DNAH7: variants seen among roughly 807,000 people sequenced by gnomAD.
DNAH7 encodes the protein axonemal beta dynein heavy chain 7.
In DNAH7, 397 loss-of-function variants were observed where a neutral mutation model predicts 444.6. That is an observed-to-expected ratio of 0.89 (90% confidence interval 0.82 to 0.97). The LOEUF is 0.97. DNAH7 is among the 50% of genes least tolerant of loss of function. DNAH7 has a pLI of 0.00. For synonymous variants in DNAH7, 1,636 were observed against 1,624.4 expected, an observed-to-expected ratio of 1.01 and a Z score of -0.17; for missense variants, 4,902 against 4,800.8, an observed-to-expected ratio of 1.02 and a Z score of -0.62.
intron 57 of DNAH7, among the ~76,000 whole-genome samples, chr2:195,790,603 T>C (rs1045662012): frequency 7.2e-5 from 11 of 152,108 alleles, no homozygotes; most frequent in Non-Finnish European, 1.6e-4. Context: ...AGACTCCCTA[T>C]TCAATAAATG....
chr2:196,024,411 A>C lies in DNAH7; in HGVS notation c.743+18T>G. 6.5e-7 allele frequency: 1 copy of C among 1,535,946 alleles called. No individual in the cohort carries two copies. The stretch of plus-strand genomic sequence containing the variant: ...ATGGTCACATAATCAACATTCTTAG[A>C]GAAATCTGATCACTTACTCAGCACG... On this transcript the variant is annotated intron_variant, in intron 8 of 64. Coordinates refer to ENST00000312428, the MANE Select transcript of DNAH7 (RefSeq NM_018897.3).
chr2:196,007,956 T>C (rs55812752), intron 10 of DNAH7, among the ~76,000 whole-genome samples: 24,678 of 152,080 alleles, frequency 0.16, 3,194 homozygotes, highest in African/African-American at 0.36. Context: ...TTAAAAATAT[T>C]TGTGCTTCAA....
In DNAH7 at chr2:195,806,760, G is replaced by A. The variant is rs755753242; in HGVS notation, c.10156C>T (p.Arg3386Cys). ...TTTACCTTGTCTGGCCTCAAGCAAC[G>A]AATAATAAGCATCCTTTGAAACTCA... The part of the protein sequence containing the change: ...ANEFQRMLII[R>C]CLRPDKVIPM... The change falls in exon 54 of 65, where the codon CGT becomes TGT. Residue 3386 changes from arginine to cysteine, a missense_variant. Physicochemically the swap from Arg to Cys is radical, Grantham distance 180 (BLOSUM62 -3). Transcript: ENST00000312428. 2.5e-6 allele frequency: 4 copies of A among 1,613,352 alleles called. No homozygotes were observed. The highest frequency in any genetic ancestry group is 1.7e-5 in the Admixed American group (1 of 59,964).
intron 25 of DNAH7, 130 bp downstream of exon 25, chr2:195,909,897 G>C (rs549988320): frequency 2.2e-6 from 2 of 909,838 alleles, no homozygotes; most frequent in East Asian, 2.7e-5. Context: ...GAATTATTGA[G>C]ATAGTGCTTC....
chr2:195,773,334 T>G (rs889453760), intron 60 of DNAH7, among the ~76,000 whole-genome samples: 1 of 152,066 alleles, frequency 6.6e-6, no homozygotes, highest in Non-Finnish European at 1.5e-5. Context: ...GAATCTATGC[T>G]GATTTCCAGT....
At chr2:195,846,241 C>G (rs773050333) in intron 46 of DNAH7, among the ~76,000 whole-genome samples, 1 of 152,086 alleles carries the variant, frequency 6.6e-6, no homozygotes, top group Non-Finnish European at 1.5e-5. Flanking sequence ...TACACGCAGC[C>G]ACAAGGATAT....
intron 12 of DNAH7, among the ~76,000 whole-genome samples, chr2:195,993,600 A>G (rs1243235993): frequency 2.0e-5 from 3 of 152,192 alleles, no homozygotes; most frequent in East Asian, 3.9e-4. Context: ...TGCAACAAGT[A>G]TATTTGAAAA....
At chr2:195,977,803 C>T (rs557742708) in intron 15 of DNAH7, among the ~76,000 whole-genome samples, 127 of 152,250 alleles carry the variant, frequency 8.3e-4, no homozygotes, top group African/African-American at 3.0e-3. Context: ...GCAGACTTTT[C>T]AGTGAGAACC....
intron 32 of DNAH7, 41 bp from the exon 33 acceptor site, chr2:195,888,475 T>A: frequency 6.5e-7 from 1 of 1,537,484 alleles, no homozygotes; most frequent in South Asian, 1.3e-5. Context: ...TAATAATGCT[T>A]ATAAAATAAA....
chr2:196,058,078 T>G lies in DNAH7; in HGVS notation c.54A>C (p.Val18=), dbSNP rs1697918900. 1 of 1,577,872 alleles carries G rather than the reference T, an allele frequency of 6.3e-7. No homozygotes were observed. The highest frequency in any genetic ancestry group is 1.2e-5 in the South Asian group (1 of 85,156). The change falls in exon 2 of 65, where the codon GTA becomes GTC. Residue 18 remains valine, a synonymous_variant. Transcript: ENST00000312428. ...CCATAGACAGCTGTGGTAGAAATCTTACTGGTTTCTTGGATTTTTCTTTGC... is the reference window on the plus strand; with the variant it reads ...CCATAGACAGCTGTGGTAGAAATCTGACTGGTTTCTTGGATTTTTCTTTGC... ...SASKEKSKKP[V]RFLPQLSMEK...
At chr2:195,936,487 G>A (rs1689059565) in intron 20 of DNAH7, 112 bp downstream of exon 20, 1 of 647,156 alleles carries the variant, frequency 1.5e-6, no homozygotes, top group African/African-American at 1.9e-5. Context: ...GAACATTCTT[G>A]TAGAAAAAAT....
chr2:196,040,619 C>A (rs1696679243), intron 5 of DNAH7, among the ~76,000 whole-genome samples: 1 of 152,112 alleles, frequency 6.6e-6, no homozygotes, highest in African/African-American at 2.4e-5. Flanking sequence ...TTTCATCATA[C>A]TAAATGGGGA....
At chr2:195,782,749 A>G (rs1417335383) in intron 58 of DNAH7, among the ~76,000 whole-genome samples, 2 of 151,846 alleles carry the variant, frequency 1.3e-5, no homozygotes, top group African/African-American at 2.4e-5. Flanking sequence ...TATTCTTGAT[A>G]CTCTTTATTT....
rs13411834 is a variant in DNAH7 at position 195,808,809 on chromosome 2, A to G, written c.9956T>C (p.Leu3319Pro). 0.99 allele frequency: 1,603,714 copies of G among 1,613,984 alleles called. 797,285 individuals are homozygous for G. The highest frequency in any genetic ancestry group is 1 in the East Asian group (44,844 of 44,844). ...GIGLDNPYANLCTWLPQKSWD... is the reference protein window; with the variant it reads ...GIGLDNPYANPCTWLPQKSWD... ...GGATTTCTGAGGAAGCCATGTACAA[A>G]GGTTGGCATAAGGATTATCCAGTCC... Residue 3319 changes from leucine to proline, a missense_variant, in exon 53 of 65, where the codon CTT becomes CCT. Physicochemically the swap from Leu to Pro is moderately conservative, Grantham distance 98. Transcript: ENST00000312428.
rs1574783267 is a variant in DNAH7 at position 195,923,827 on chromosome 2, G to A, written c.3613-20C>T. ...AAGAGCCTGAAAGAAAAGAAAATAA[G>A]ATATGATTTCCCAATGTGATCAAAA... On this transcript the variant is annotated intron_variant, in intron 22 of 64. Transcript: ENST00000312428. 6.2e-7 allele frequency: 1 copy of A among 1,604,528 alleles called. No homozygotes were observed. The highest frequency in any genetic ancestry group is 1.7e-5 in the Admixed American group (1 of 59,878).
chr2:195,825,572 C>T (rs77036695), intron 48 of DNAH7, among the ~76,000 whole-genome samples: 9,980 of 152,096 alleles, frequency 0.066, 507 homozygotes, highest in East Asian at 0.21. Context: ...ATAACAAACA[C>T]TGTATTAAAA....
chr2:195,786,570 T>C (rs1695631210), intron 58 of DNAH7, among the ~76,000 whole-genome samples: 1 of 99,512 alleles, frequency 1.0e-5, no homozygotes, highest in African/African-American at 4.9e-5. Flanking sequence ...CTTAAATAGA[T>C]TTTTTTTTTT....
At chr2:196,053,627 C>G (rs1040267286) in intron 2 of DNAH7, among the ~76,000 whole-genome samples, 2 of 152,116 alleles carry the variant, frequency 1.3e-5, no homozygotes, top group Non-Finnish European at 1.5e-5. Context: ...ACAGAAAATG[C>G]TGGTAACAAA....
Position 195,888,131 on chromosome 2 carries a change from A to G in DNAH7, c.5406+127T>C, listed in dbSNP as rs1701809873. The G allele has an allele frequency of 3.9e-6, 3 of 775,260 alleles. No individual in the cohort carries two copies. In the East Asian group the frequency reaches 9.3e-5, roughly 24 times the overall value. The allele number at this position is 775,260 out of a possible 1,614,324, so 48.0% of individuals were successfully genotyped here. A position where few individuals can be genotyped will look rare whatever the true frequency, so the allele number is the denominator to read the frequency against. ...GCATGAATTCTAATCTAAATTTTTA[A>G]TTTAATCAAAAAGGTTTTGATTTAA... On this transcript the variant is annotated intron_variant, in intron 33 of 64. Coordinates refer to ENST00000312428, the MANE Select transcript of DNAH7 (RefSeq NM_018897.3).
Sources: gnomAD v4.1 joint callset for allele counts (sites outside exome capture counted in the v4.1 genomes callset) on GRCh38, gnomAD v4.1.1 for gene constraint, MANE v1.5 for transcripts, NCBI Gene and HGNC (gene_info 2026-07-23, HGNC 2026-07-21) for gene names.